Variants in CCDC40 observed in about 807,000 individuals in gnomAD.
The protein encoded by CCDC40 is coiled-coil domain 40 molecular ruler complex subunit, also known as coiled-coil domain-containing protein 40.
Under a neutral mutation model 124.5 loss-of-function variants are expected in CCDC40, and 104 were observed. The observed-to-expected ratio is 0.84, with a 90% CI of 0.71 to 0.98. The LOEUF is 0.98. CCDC40 is among the 50% of genes least tolerant of loss of function. CCDC40 has a pLI of 0.00. For synonymous variants in CCDC40, 580 were observed against 602.9 expected (o/e 0.96, Z 0.56); for missense variants, 1,463 against 1,503.9 (o/e 0.97, Z 0.45).
chr17:80,065,384 GAA>G, intron 9 of CCDC40, 99 bp from the exon 10 acceptor site: 3 of 1,501,176 alleles, frequency 2.0e-6, no homozygotes, highest in Non-Finnish European at 2.8e-6. Flanking sequence ...GTGATAGAAG[GAA>G]AAGAGGAAGA....
chr17:80,036,903 C>G (rs2037079948), intron 1 of CCDC40: 2 of 474,902 alleles, frequency 4.2e-6, no homozygotes, highest in South Asian at 7.3e-5. Flanking sequence ...TCACTTCTCC[C>G]CTCCTGTCCC....
At chr17:80,079,091 G>A (rs1377098343) in intron 10 of CCDC40, among the ~76,000 whole-genome samples, 2 of 151,940 alleles carry the variant, frequency 1.3e-5, no homozygotes, top group Non-Finnish European at 2.9e-5. Context: ...ACACCACCAC[G>A]CCCGGCTAAT....
chr17:80,079,786 G>A (rs1483700464), intron 10 of CCDC40, among the ~76,000 whole-genome samples: 1 of 140,512 alleles, frequency 7.1e-6, no homozygotes, highest in Non-Finnish European at 1.5e-5. Context: ...AAAAAAATAG[G>A]CAGGCATGGT....
rs754603683 is a variant in CCDC40 at position 80,081,668 on chromosome 17, C to G, written c.1685C>G (p.Ala562Gly). 1.2e-6 allele frequency: 2 copies of G among 1,614,198 alleles called. No homozygotes were observed. The highest frequency in any genetic ancestry group is 1.7e-6 in the Non-Finnish European group (2 of 1,180,046). Residue 562 changes from alanine (A) to glycine (G), a missense_variant, in exon 11 of 20, where the codon GCC (alanine) becomes GGC (glycine). By Grantham distance (60) the Ala-to-Gly change is moderately conservative (BLOSUM62 0). Transcript: ENST00000397545. ...ASILNRTETE[A>G]TLLQKLTTQC... ...ATCCTGAACCGGACAGAGACGGAAG[C>G]CACACTGCTGCAGAAGCTCACCACC...
At chr17:80,056,970 C>G (rs11868355) in intron 7 of CCDC40, among the ~76,000 whole-genome samples, 48,544 of 145,134 alleles carry the variant, frequency 0.33, 10,540 homozygotes, top group African/African-American at 0.63. Context: ...GAACCCGGGA[C>G]GCAGAGCTTG....
At chr17:80,049,168 G>A (rs910225076) in intron 5 of CCDC40, among the ~76,000 whole-genome samples, 6 of 151,838 alleles carry the variant, frequency 4.0e-5, no homozygotes, top group African/African-American at 9.7e-5. Context: ...GCCAAGGTCT[G>A]TGGATCACCT....
At chr17:80,075,914 G>T (rs571432645) in intron 10 of CCDC40, among the ~76,000 whole-genome samples, 1 of 152,300 alleles carries the variant, frequency 6.6e-6, no homozygotes, top group South Asian at 2.1e-4. Flanking sequence ...CACTCCCGAT[G>T]TGGTGGAAAC....
intron 7 of CCDC40, among the ~76,000 whole-genome samples, chr17:80,056,016 A>ATATATATATT (rs71163913): frequency 9.7e-5 from 1 of 10,258 alleles, no homozygotes; most frequent in Non-Finnish European, 1.6e-4. Flanking sequence ...ATATATATAT[A>ATATATATATT]TTTTTTTTTT....
At chr17:80,089,192 A>G (rs530153128) in intron 16 of CCDC40, among the ~76,000 whole-genome samples, 1 of 152,310 alleles carries the variant, frequency 6.6e-6, no homozygotes, top group South Asian at 2.1e-4. Context: ...TAGTATTTTC[A>G]TGGCCATCTT....
chr17:80,093,389 G>T (rs2038753532), intron 17 of CCDC40, among the ~76,000 whole-genome samples: 2 of 152,154 alleles, frequency 1.3e-5, no homozygotes, highest in South Asian at 4.2e-4. Flanking sequence ...CACCATGTTG[G>T]CCAGGCTGGC....
At position 80,056,010 on chromosome 17, in the gene CCDC40, A is replaced by ATTTT. The variant is rs1326886577; in HGVS notation, c.1160-2483_1160-2482insTTTT. On this transcript the variant is annotated intron_variant, in intron 7 of 19. Coordinates refer to ENST00000397545, the MANE Select transcript of CCDC40 (RefSeq NM_017950.4). Reference sequence around the variant, plus strand: ...TATATATATATATATATATATATATATATATATTTTTTTTTTTTTTTGGTA... The same window carrying ATTTT: ...TATATATATATATATATATATATATATTTTTATATATTTTTTTTTTTTTTTGGTA... Among the ~76,000 whole-genome samples the ATTTT allele has an allele frequency of 3.4e-3, 47 of 13,768 alleles. 1 individual carries two copies. The highest frequency in any genetic ancestry group is 4.9e-3 in the African/African-American group (17 of 3,496). The allele number at this position is 13,768 out of a possible 152,430, so 9.0% of individuals were successfully genotyped here.
chr17:80,067,629 G>C (rs1014924681), intron 10 of CCDC40: 4 of 1,536,252 alleles, frequency 2.6e-6, no homozygotes, highest in East Asian at 2.4e-5. Context: ...GAGGGCGTTC[G>C]CGTCCGTCTG....
rs771784715 is a variant in CCDC40 at position 80,099,774 on chromosome 17, AG to A, written c.*2del. 1.2e-6 allele frequency: 2 copies of A among 1,612,588 alleles called. No individual in the cohort carries two copies. The highest frequency in any genetic ancestry group is 2.2e-5 in the South Asian group (2 of 91,064). On this transcript the variant is annotated frameshift_variant and stop_lost, in exon 20 of 20. Coordinates refer to ENST00000397545, the MANE Select transcript of CCDC40 (RefSeq NM_017950.4). LOFTEE classifies it high-confidence loss of function. ...ANKLESPGPS[*>X] is the part of the protein sequence containing the mutation. ...AAGCTCGAGTCACCAGGGCCCTCCT[AG>A]GGAGCAGCCTGGACTCCGCCTTGCA...
At chr17:80,096,738 T>C (rs1013282669) in intron 18 of CCDC40, among the ~76,000 whole-genome samples, 8 of 152,336 alleles carry the variant, frequency 5.3e-5, no homozygotes, top group Admixed American at 5.2e-4. Context: ...CTGTGTCTCC[T>C]GCATCACCCC....
chr17:80,099,732 G>C lies in CCDC40; in HGVS notation c.3386G>C (p.Ser1129Thr). 6.2e-7 allele frequency: 1 copy of C among 1,613,614 alleles called. No homozygotes were observed. The highest frequency in any genetic ancestry group is 8.5e-7 in the Non-Finnish European group (1 of 1,179,968). ...PQFQEALHKV[S>T]QMIANKLESP... ...TTCCAGGAGGCCCTGCACAAGGTCA[G>C]CCAGATGATCGCCAACAAGCTCGAG... is the stretch of plus-strand genomic sequence containing the variant. Residue 1129 changes from serine (S) to threonine (T), a missense_variant, in exon 20 of 20, where the codon AGC becomes ACC. Physicochemically the swap from Ser to Thr is moderately conservative, Grantham distance 58. Transcript: ENST00000397545.
In CCDC40 at chr17:80,040,252, G is replaced by T; in HGVS notation, c.534G>T (p.Gly178=). Residue 178 remains glycine (G), a synonymous_variant, in exon 3 of 20, where the codon GGG becomes GGT. Transcript: ENST00000397545. ...AGCAAATGGGCCAGGTCACCTCTGG[G>T]CCAGCAGTGGGCAGATTGGTGAGTA... ...PSEQMGQVTS[G]PAVGRLTGST... 1 of 1,613,592 alleles carries T rather than the reference G, an allele frequency of 6.2e-7. No homozygotes were observed. Among genetic ancestry groups the T allele is most frequent in the Non-Finnish European group, 8.5e-7 (1 of 1,179,934 alleles).
At chr17:80,090,510 T>C (rs150752727) in intron 17 of CCDC40, 138 of 1,525,124 alleles carry the variant, frequency 9.0e-5, no homozygotes, top group Middle Eastern at 2.2e-4. Context: ...CACAAAACGC[T>C]GTTTTATTCC....
chr17:80,043,454 T>C (rs1051806530), intron 3 of CCDC40, among the ~76,000 whole-genome samples: 2 of 152,082 alleles, frequency 1.3e-5, no homozygotes, highest in African/African-American at 2.4e-5. Flanking sequence ...ACATACACCA[T>C]GTACACAGAC....
intron 3 of CCDC40, among the ~76,000 whole-genome samples, chr17:80,045,658 G>A (rs1250208864): frequency 1.3e-5 from 2 of 151,920 alleles, no homozygotes; most frequent in African/African-American, 2.4e-5. Context: ...GAGCCGAGAT[G>A]GTGCCACTGC....
Sources: allele counts gnomAD v4.1 joint callset (sites outside exome capture counted in the v4.1 genomes callset), GRCh38; gene constraint gnomAD v4.1.1; transcripts MANE v1.5; gene names NCBI Gene and HGNC (gene_info 2026-07-23, HGNC 2026-07-21).